EPSTI1: variants seen among roughly 807,000 people sequenced by gnomAD.
EPSTI1 encodes epithelial-stromal interaction protein 1.
EPSTI1 carries 66 observed loss-of-function variants against 49.9 expected under a neutral mutation model. That is an observed-to-expected ratio of 1.32 (90% CI 1.08 to 1.62). EPSTI1 has a LOEUF of 1.62. Among genes scored for constraint, EPSTI1 ranks in the 40% most tolerant of loss-of-function variants. EPSTI1 has a pLI of 0.00. For missense variants in EPSTI1, 394 were observed against 365.5 expected (o/e 1.08, Z -0.64); for synonymous variants, 137 against 130.7 (o/e 1.05, Z -0.33).
intron 6 of EPSTI1, among the ~76,000 whole-genome samples, chr13:42,942,838 G>C (rs1021625043): frequency 4.0e-5 from 6 of 151,406 alleles, no homozygotes; most frequent in African/African-American, 1.5e-4. Flanking sequence ...ACAGGCGCCC[G>C]CCACCGCGCC....
chr13:42,929,406 T>C (rs1011650710), intron 6 of EPSTI1, among the ~76,000 whole-genome samples: 1 of 152,214 alleles, frequency 6.6e-6, no homozygotes, highest in Admixed American at 6.5e-5. Flanking sequence ...CACATTCTGA[T>C]GGCACTCAAT....
rs530054282 is a variant in EPSTI1, at chr13:42,950,026, C to A, written c.563+3922G>T. Among the ~76,000 whole-genome samples, 133 of 152,338 alleles carry A rather than the reference C, an allele frequency of 8.7e-4. 1 individual carries two copies. Among genetic ancestry groups the A allele is most frequent in the African/African-American group, 3.0e-3 (125 of 41,568 alleles). The stretch of plus-strand genomic sequence containing the variant: ...GAAAAGTCCACCCAAAGGTATCACA[C>A]ATGAATTTTTATAAGTAGTAAATAA... On this transcript the variant is annotated intron_variant, in intron 6 of 10. Coordinates refer to ENST00000313624, the MANE Select transcript of EPSTI1 (RefSeq NM_033255.5).
chr13:42,958,309 A>G (rs1215426006), intron 5 of EPSTI1, among the ~76,000 whole-genome samples: 1 of 152,188 alleles, frequency 6.6e-6, no homozygotes, highest in African/African-American at 2.4e-5. Flanking sequence ...GGAACCAAAT[A>G]TGGTAGAGGA....
intron 6 of EPSTI1, among the ~76,000 whole-genome samples, chr13:42,940,535 G>C (rs2038719105): frequency 6.6e-6 from 1 of 152,190 alleles, no homozygotes. Flanking sequence ...TATAGTGCTT[G>C]ACACACATTT....
intron 8 of EPSTI1, among the ~76,000 whole-genome samples, chr13:42,915,401 C>T (rs1352627108): frequency 6.6e-6 from 1 of 152,104 alleles, no homozygotes; most frequent in Non-Finnish European, 1.5e-5. Flanking sequence ...GTGATAGTGG[C>T]ATGCACCTGT....
At chr13:42,963,598 C>T (rs1002928725) in intron 4 of EPSTI1, 1 of 505,916 alleles carries the variant, frequency 2.0e-6, no homozygotes, top group Non-Finnish European at 3.5e-6. Context: ...CTCTGTCTCT[C>T]TCTGTGTGTA....
chr13:42,944,981 TC>T (rs1340135648), intron 6 of EPSTI1, among the ~76,000 whole-genome samples: 3 of 152,306 alleles, frequency 2.0e-5, no homozygotes, highest in Non-Finnish European at 1.5e-5. Context: ...AGACACCTCA[TC>T]ATAGACCTAC....
At chr13:42,902,186 T>C (rs1180058972) in intron 8 of EPSTI1, among the ~76,000 whole-genome samples, 1 of 152,062 alleles carries the variant, frequency 6.6e-6, no homozygotes, top group East Asian at 1.9e-4. Context: ...TTCACCCCAA[T>C]CCCAACTTCC....
At chr13:42,910,843 G>A (rs2037649826) in intron 8 of EPSTI1, among the ~76,000 whole-genome samples, 1 of 152,054 alleles carries the variant, frequency 6.6e-6, no homozygotes, top group South Asian at 2.1e-4. Context: ...GTTTGGTAGG[G>A]GTTGCAAACA....
At chr13:42,948,847 AT>A (rs2039004515) in intron 6 of EPSTI1, among the ~76,000 whole-genome samples, 1 of 152,342 alleles carries the variant, frequency 6.6e-6, no homozygotes, top group African/African-American at 2.4e-5. Context: ...CCATATGAAT[AT>A]ATAATCTGTT....
rs113728510 is a variant in EPSTI1, at chr13:42,948,468, T to G, written c.563+5480A>C. On this transcript the variant is annotated intron_variant, in intron 6 of 10. Transcript: ENST00000313624. ...CTGTTTGTTTGTTTTTTGTGTTTTT[T>G]TTTTTGTTTTTGTTTTTTTCGGTGA... 2.9e-3 allele frequency among the ~76,000 whole-genome samples: 434 copies of G among 151,868 alleles called. 2 individuals are homozygous for G. The highest frequency in any genetic ancestry group is 9.3e-3 in the African/African-American group (385 of 41,416).
At chr13:42,960,263 G>A (rs2153430397) in intron 5 of EPSTI1, among the ~76,000 whole-genome samples, 1 of 152,274 alleles carries the variant, frequency 6.6e-6, no homozygotes, top group East Asian at 1.9e-4. Context: ...CATATTTTAG[G>A]TTTGTGGGTA....
chr13:42,889,261 A>G (rs747437711), intron 10 of EPSTI1: 4 of 1,461,564 alleles, frequency 2.7e-6, no homozygotes, highest in Non-Finnish European at 3.7e-6. Context: ...ATAAAAAAAT[A>G]TATTTTTTAC....
chr13:42,984,946 G>A (rs116637741), intron 1 of EPSTI1, among the ~76,000 whole-genome samples: 45 of 152,352 alleles, frequency 3.0e-4, no homozygotes, highest in African/African-American at 1.1e-3. Flanking sequence ...ATGTCTAAGT[G>A]TTGAGGTTGC....
intron 5 of EPSTI1, among the ~76,000 whole-genome samples, chr13:42,962,290 C>G (rs1566161292): frequency 6.6e-6 from 1 of 152,100 alleles, no homozygotes; most frequent in Non-Finnish European, 1.5e-5. Flanking sequence ...AGGTAGGGCT[C>G]AAGATTCTGC....
chr13:42,922,858 G>A lies in EPSTI1; in HGVS notation c.657+3478C>T, dbSNP rs76429910. On this transcript the variant is annotated intron_variant, in intron 7 of 10. Transcript: ENST00000313624. The surrounding 1 kb of genome is among the most constrained non-coding windows in gnomAD (Gnocchi z 4.8). The stretch of plus-strand genomic sequence containing the variant: ...AGAGCTTGGCCCCTCAGACATTAAC[G>A]TGCACACACATCTTCCATGGACTGT... Among the ~76,000 whole-genome samples, 120 of 152,316 alleles carry A rather than the reference G, an allele frequency of 7.9e-4. No homozygotes were observed. Among genetic ancestry groups the A allele is most frequent in the African/African-American group, 2.2e-3 (91 of 41,570 alleles).
chr13:42,891,487 G>A (rs1231494370), intron 10 of EPSTI1, among the ~76,000 whole-genome samples: 1 of 152,154 alleles, frequency 6.6e-6, no homozygotes, highest in East Asian at 1.9e-4. Flanking sequence ...AATATTTTAG[G>A]AGGGTTTTTT....
chr13:42,902,042 T>C (rs2037376021), intron 8 of EPSTI1, among the ~76,000 whole-genome samples: 1 of 151,960 alleles, frequency 6.6e-6, no homozygotes, highest in Non-Finnish European at 1.5e-5. Context: ...CTTGCGATAG[T>C]TTACTGAGAA....
chr13:42,928,055 T>G (rs1446232679), intron 6 of EPSTI1, among the ~76,000 whole-genome samples: 1 of 152,216 alleles, frequency 6.6e-6, no homozygotes, highest in Admixed American at 6.5e-5. Flanking sequence ...AGCACAAAGC[T>G]GCCTGCAGAG....
Sources: gnomAD v4.1 joint callset for allele counts (sites outside exome capture counted in the v4.1 genomes callset) on GRCh38, gnomAD v4.1.1 for gene constraint, Gnocchi (gnomAD v3.1) non-coding constraint, MANE v1.5 for transcripts, NCBI Gene and HGNC (gene_info 2026-07-23, HGNC 2026-07-21) for gene names.